ZBTB16: variants seen among roughly 807,000 people sequenced by gnomAD.
The protein encoded by ZBTB16 is zinc finger and BTB domain containing 16.
A neutral mutation model predicts 56.8 loss-of-function variants in ZBTB16; 8 were observed. That is an observed-to-expected ratio of 0.14 (90% CI 0.08 to 0.25). ZBTB16 has a LOEUF of 0.25. Ranked by LOEUF, ZBTB16 falls within the 10% of genes least tolerant of loss-of-function variation. ZBTB16 has a pLI of 1.00. For missense variants in ZBTB16, 625 were observed against 903.0 expected, an observed-to-expected ratio of 0.69 and a Z score of 3.95; for synonymous variants, 363 against 368.5, an observed-to-expected ratio of 0.98 and a Z score of 0.17.
intron 4 of ZBTB16, among the ~76,000 whole-genome samples, chr11:114,227,923 A>G (rs1203092844): frequency 6.6e-6 from 1 of 152,244 alleles, no homozygotes; most frequent in Non-Finnish European, 1.5e-5. Flanking sequence ...CATTAAATAC[A>G]TTAGCATTGT....
At chr11:114,155,607 A>G (rs886736637) in intron 2 of ZBTB16, among the ~76,000 whole-genome samples, 19 of 152,334 alleles carry the variant, frequency 1.2e-4, no homozygotes, top group African/African-American at 4.1e-4. Context: ...GAGCATGTGT[A>G]TGAAGAGCTG....
intron 3 of ZBTB16, among the ~76,000 whole-genome samples, chr11:114,175,978 G>GGTGT (rs34506617): frequency 1.7e-4 from 25 of 148,146 alleles, no homozygotes; most frequent in African/African-American, 4.7e-4. Flanking sequence ...AGGGGAGAGG[G>GGTGT]GTGTGTGTGT....
chr11:114,069,713 G>A (rs1939257889), intron 2 of ZBTB16, among the ~76,000 whole-genome samples: 1 of 152,180 alleles, frequency 6.6e-6, no homozygotes. Flanking sequence ...ACTAAATTCT[G>A]TTTGGAAAAG....
At chr11:114,231,916 GAA>G (rs1944447549) in intron 4 of ZBTB16, among the ~76,000 whole-genome samples, 1 of 152,144 alleles carries the variant, frequency 6.6e-6, no homozygotes, top group Non-Finnish European at 1.5e-5. Flanking sequence ...TACTGTTGAG[GAA>G]ACTGAGGCCC....
intron 4 of ZBTB16, among the ~76,000 whole-genome samples, chr11:114,235,249 C>A (rs1944540650): frequency 6.6e-6 from 1 of 152,176 alleles, no homozygotes; most frequent in South Asian, 2.1e-4. Context: ...CACGGGCATG[C>A]ACACACCCCA....
intron 2 of ZBTB16, among the ~76,000 whole-genome samples, chr11:114,072,005 C>T (rs1939364530): frequency 6.6e-6 from 1 of 152,202 alleles, no homozygotes; most frequent in Non-Finnish European, 1.5e-5. Context: ...TATAAGGATT[C>T]ATCAGAAAAT....
At chr11:114,124,336 GCCAC>G (rs915606493) in intron 2 of ZBTB16, among the ~76,000 whole-genome samples, 8 of 151,858 alleles carry the variant, frequency 5.3e-5, no homozygotes, top group African/African-American at 1.9e-4. Context: ...GACTGAAAAG[GCCAC>G]AGCATGCAAC....
chr11:114,203,103 C>T (rs1943772985), intron 4 of ZBTB16, among the ~76,000 whole-genome samples: 1 of 152,110 alleles, frequency 6.6e-6, no homozygotes, highest in Non-Finnish European at 1.5e-5. Context: ...TATATCCATA[C>T]CATGGACTAT....
intron 4 of ZBTB16, among the ~76,000 whole-genome samples, chr11:114,232,820 A>G (rs686501): frequency 0.54 from 82,644 of 152,060 alleles, 24,888 homozygotes; most frequent in East Asian, 0.71. Flanking sequence ...TCCCACCCCC[A>G]TGTGGGCCCA....
intron 2 of ZBTB16, among the ~76,000 whole-genome samples, chr11:114,071,260 TA>T (rs60581709): frequency 0.91 from 131,085 of 144,278 alleles, 59,748 homozygotes; most frequent in South Asian, 0.98. Flanking sequence ...TTTTTTTTTT[TA>T]AAATACTTTA....
In ZBTB16 at chr11:114,251,241, A is replaced by T. The variant is rs1274236880; in HGVS notation, c.*686A>T. Among the ~76,000 whole-genome samples, 1 of 152,008 alleles carries T rather than the reference A, an allele frequency of 6.6e-6. No individual in the cohort carries two copies. Among genetic ancestry groups the T allele is most frequent in the African/African-American group, 2.4e-5 (1 of 41,386 alleles). Reference sequence around the variant, plus strand: ...CCTTGACTCCTGTCCTCCAAGTCCCAGGGGAGTCCCAGCCCCTCAGGGACC... The same window carrying T: ...CCTTGACTCCTGTCCTCCAAGTCCCTGGGGAGTCCCAGCCCCTCAGGGACC... On this transcript the variant is annotated 3_prime_UTR_variant, in exon 7 of 7. Coordinates refer to ENST00000335953, the MANE Select transcript of ZBTB16 (RefSeq NM_006006.6).
intron 3 of ZBTB16, among the ~76,000 whole-genome samples, chr11:114,170,267 A>G (rs1942921946): frequency 6.6e-6 from 1 of 152,246 alleles, no homozygotes; most frequent in Non-Finnish European, 1.5e-5. Context: ...AAGACAGGTC[A>G]GAGGGCTGCC....
chr11:114,192,485 C>T (rs967955379), intron 4 of ZBTB16, among the ~76,000 whole-genome samples: 3 of 152,178 alleles, frequency 2.0e-5, no homozygotes, highest in African/African-American at 7.2e-5. Context: ...GAAGGAAGAA[C>T]ACCAGTCAGC....
At chr11:114,205,610 C>T (rs1039496131) in intron 4 of ZBTB16, among the ~76,000 whole-genome samples, 1 of 152,108 alleles carries the variant, frequency 6.6e-6, no homozygotes, top group Non-Finnish European at 1.5e-5. Context: ...AAAATGCTTC[C>T]AGCCTCTGCC....
chr11:114,089,353 T>A (rs1940094615), intron 2 of ZBTB16, among the ~76,000 whole-genome samples: 1 of 152,350 alleles, frequency 6.6e-6, no homozygotes, highest in East Asian at 1.9e-4. Context: ...CTTCAGTACC[T>A]CTTGCTGATT....
chr11:114,064,643 C>A lies in ZBTB16; in HGVS notation c.1268+75C>A. The stretch of plus-strand genomic sequence containing the variant: ...ACCCCTCCTTCACACCCTGGCTGCT[C>A]CCAAGTTAGGGGCCTGGCTCCCCTG... On this transcript the variant is annotated intron_variant, in intron 2 of 6. Coordinates refer to ENST00000335953, the MANE Select transcript of ZBTB16 (RefSeq NM_006006.6). The surrounding 1 kb of genome is among the most constrained non-coding windows in gnomAD (Gnocchi z 4.2). 1 of 1,562,380 alleles carries A rather than the reference C, an allele frequency of 6.4e-7. No homozygotes were observed. The highest frequency in any genetic ancestry group is 1.1e-5 in the South Asian group (1 of 87,652).
At chr11:114,107,127 C>A (rs1318175996) in intron 2 of ZBTB16, among the ~76,000 whole-genome samples, 3 of 152,072 alleles carry the variant, frequency 2.0e-5, no homozygotes, top group South Asian at 2.1e-4. Flanking sequence ...CCCTGGTGAT[C>A]GCTCTGATTT....
chr11:114,121,761 C>T (rs974817581), intron 2 of ZBTB16: 20 of 454,436 alleles, frequency 4.4e-5, no homozygotes, highest in African/African-American at 3.2e-4. Flanking sequence ...ATATTATACT[C>T]GCAGTTTTGT....
intron 4 of ZBTB16, among the ~76,000 whole-genome samples, chr11:114,192,792 A>G (rs566013): frequency 0.58 from 88,231 of 151,570 alleles, 26,107 homozygotes; most frequent in African/African-American, 0.67. Flanking sequence ...GCTAGACCGC[A>G]TGTAACTGAG....
Sources: allele counts gnomAD v4.1 joint callset (sites outside exome capture counted in the v4.1 genomes callset), GRCh38; gene constraint gnomAD v4.1.1; non-coding constraint Gnocchi (gnomAD v3.1); transcripts MANE v1.5; gene names NCBI Gene and HGNC (gene_info 2026-07-23, HGNC 2026-07-21).